The following SNED1 variants were observed in gnomAD, a reference collection of about 807,000 sequenced individuals.
SNED1 encodes sushi, nidogen and EGF-like domain-containing protein 1.
In SNED1, 81 loss-of-function variants were observed where a neutral mutation model predicts 166.7. The ratio of observed to expected loss-of-function variants is 0.49; its 90% CI spans 0.41 to 0.58. The LOEUF (loss-of-function observed/expected upper bound fraction) is 0.58. SNED1 is among the 20% of genes least tolerant of loss of function. SNED1 has a pLI of 0.00. For synonymous variants in SNED1, 762 were observed against 822.0 expected (o/e 0.93, Z 1.25); for missense variants, 1,604 against 2,000.2 (o/e 0.80, Z 3.78).
intron 8 of SNED1, among the ~76,000 whole-genome samples, chr2:241,047,812 A>G (rs1013888448): frequency 6.6e-6 from 1 of 150,468 alleles, no homozygotes; most frequent in African/African-American, 2.5e-5. Context: ...TGTTCTGTCC[A>G]TTCCCAGGTG....
intron 4 of SNED1, among the ~76,000 whole-genome samples, chr2:241,035,923 TGGAG>T (rs2061342614): frequency 3.0e-5 from 1 of 32,968 alleles, no homozygotes; most frequent in Non-Finnish European, 5.4e-5. Context: ...TGCCACGGGG[TGGAG>T]GGGTGGGGGG....
At chr2:241,067,969 A>T in intron 22 of SNED1, 22 bp downstream of exon 22, 4 of 1,319,212 alleles carry the variant, frequency 3.0e-6, no homozygotes, top group East Asian at 2.9e-5. Flanking sequence ...CACCCAGAGC[A>T]TGGGGCTGGG....
At chr2:241,082,548 A>G (rs1047233614) in intron 29 of SNED1, among the ~76,000 whole-genome samples, 184 bp downstream of exon 29, 6 of 152,204 alleles carry the variant, frequency 3.9e-5, no homozygotes, top group African/African-American at 1.2e-4. Flanking sequence ...GAAAAACCGA[A>G]TAACTGCCCC....
chr2:241,013,113 C>G lies in SNED1; in HGVS notation c.213+14063C>G, dbSNP rs927176837. Among the ~76,000 whole-genome samples the G allele has an allele frequency of 1.3e-5, 2 of 151,958 alleles. No individual in the cohort carries two copies. Among genetic ancestry groups the G allele is most frequent in the Non-Finnish European group, 2.9e-5 (2 of 68,008 alleles). On this transcript the variant is annotated intron_variant, in intron 1 of 31. Transcript: ENST00000310397. The surrounding 1 kb of genome is among the most constrained non-coding windows in gnomAD (Gnocchi z 4.6). ...CCTCCCAAAGTGATGGGATTACAGG[C>G]GTGAGCCACCGCGCCCGGCCACGAG...
At chr2:241,022,095 G>A (rs1355572574) in intron 1 of SNED1, among the ~76,000 whole-genome samples, 2 of 152,120 alleles carry the variant, frequency 1.3e-5, no homozygotes, top group African/African-American at 2.4e-5. Context: ...TTATTATTGA[G>A]TTGTAATAGT....
rs997910472 is a variant in SNED1, at chr2:241,069,271, GTTCCT to G, written c.3307+249_3307+253del. Among the ~76,000 whole-genome samples, 2 of 152,204 alleles carry G rather than the reference GTTCCT, an allele frequency of 1.3e-5. No individual in the cohort carries two copies. The highest frequency in any genetic ancestry group is 4.8e-5 in the African/African-American group (2 of 41,454). ...GCTCCTGGTAGCTCCTCAGCATGGA[GTTCCT>G]ACTGGACACCGACCAGAGGGCCAGA... On this transcript the variant is annotated intron_variant, in intron 23 of 31. Coordinates refer to ENST00000310397, the MANE Select transcript of SNED1 (RefSeq NM_001080437.3). The surrounding 1 kb of genome is among the most constrained non-coding windows in gnomAD (Gnocchi z 4.9).
rs1375290853 is a variant in SNED1 at position 241,090,147 on chromosome 2, C to T, written c.*2-1491C>T. The T allele has an allele frequency of 3.7e-5, 54 of 1,473,708 alleles. No homozygotes were observed. The East Asian group carries it at 1.2e-3, about 34-fold the overall frequency. The allele number at this position is 1,473,708 out of a possible 1,614,324, so 91.3% of individuals were successfully genotyped here. ...TTAATAACAGCTTAAAATACAAACA[C>T]ACTGTACGGATGTTCAAAATTGTTT... On this transcript the variant is annotated intron_variant, in intron 31 of 31. Transcript: ENST00000310397.
intron 1 of SNED1, among the ~76,000 whole-genome samples, chr2:241,029,991 GA>G (rs1464557784): frequency 1.3e-5 from 2 of 152,256 alleles, no homozygotes; most frequent in Non-Finnish European, 2.9e-5. Flanking sequence ...CCCAAAGGGG[GA>G]CTTTCCTACC....
rs1574816901 is a variant in SNED1, at chr2:240,998,876, G to A, written c.39G>A (p.Ala13=). The A allele has an allele frequency of 8.3e-7, 1 of 1,209,984 alleles. No homozygotes were observed. Among genetic ancestry groups the A allele is most frequent in the African/African-American group, 1.6e-5 (1 of 62,732 alleles). 75.0% of individuals were successfully genotyped at this position (1,209,984 alleles called of 1,614,324 possible). A position where few individuals can be genotyped will look rare whatever the true frequency, so the allele number is the denominator to read the frequency against. Residue 13 remains alanine (A), a synonymous_variant, in exon 1 of 32, where the codon GCG becomes GCA. Transcript: ENST00000310397. ...HGVAWALLVA[A]ALGLGARGVR... ...TCGCCTGGGCGCTGCTGGTGGCCGC[G>A]GCCCTGGGGCTTGGGGCGCGCGGGG... is the stretch of plus-strand genomic sequence containing the variant.
rs992045307 is a variant in SNED1, at chr2:241,091,539, G to T, written c.*2-99G>T. ...ACGTGGGGTCCTCTGGGTGACAGAG[G>T]CCCTGAGGGCCACTAAGAGAAGCAG... On this transcript the variant is annotated intron_variant, in intron 31 of 31. Coordinates refer to ENST00000310397, the MANE Select transcript of SNED1 (RefSeq NM_001080437.3). This position sits in a 1 kb window ranked among gnomAD's most constrained non-coding sequence, Gnocchi z 4.1. 6.6e-6 allele frequency: 1 copy of T among 151,826 alleles called. No homozygotes were observed. Among genetic ancestry groups the T allele is most frequent in the Non-Finnish European group, 1.5e-5 (1 of 67,984 alleles). The allele number at this position is 151,826 out of a possible 1,614,324, so 9.4% of individuals were successfully genotyped here.
intron 27 of SNED1, 96 bp from the exon 28 acceptor site, chr2:241,081,581 C>G: frequency 1.2e-6 from 1 of 831,680 alleles, no homozygotes; most frequent in South Asian, 1.5e-5. Flanking sequence ...CACGGCCACC[C>G]TGCATCAGGT....
chr2:241,064,208 G>T lies in SNED1; in HGVS notation c.2599+83G>T. ...CCCGCCTGCTGCCCGCCCTCTGCCC[G>T]CCTGCTCCCCGCCCTCTGCCCGCCT... On this transcript the variant is annotated intron_variant, in intron 19 of 31. Coordinates refer to ENST00000310397, the MANE Select transcript of SNED1 (RefSeq NM_001080437.3). This position sits in a 1 kb window ranked among gnomAD's most constrained non-coding sequence, Gnocchi z 7.0. 1.1e-6 allele frequency: 1 copy of T among 920,906 alleles called. No homozygotes were observed. The highest frequency in any genetic ancestry group is 2.9e-5 in the Admixed American group (1 of 34,860). 57.0% of individuals were successfully genotyped at this position (920,906 alleles called of 1,614,324 possible).
chr2:241,064,464 C>T lies in SNED1; in HGVS notation c.2599+339C>T, dbSNP rs2062358290. Among the ~76,000 whole-genome samples the T allele has an allele frequency of 6.6e-6, 1 of 152,202 alleles. No homozygotes were observed. The highest frequency in any genetic ancestry group is 2.1e-4 in the South Asian group (1 of 4,826). On this transcript the variant is annotated intron_variant, in intron 19 of 31. Transcript: ENST00000310397. The surrounding 1 kb of genome is among the most constrained non-coding windows in gnomAD (Gnocchi z 7.0). ...TTTCTTGCACACCCAGGTCTGGCCC[C>T]TGGCTGTCCTTCCATCTGGAACATT... is the stretch of plus-strand genomic sequence containing the variant.
chr2:241,087,588 A>G (rs2063648450), intron 30 of SNED1, 113 bp downstream of exon 30: 2 of 1,452,646 alleles, frequency 1.4e-6, no homozygotes, highest in African/African-American at 1.4e-5. Flanking sequence ...CAGGCGGTCT[A>G]CTCGCCCAGA....
intron 8 of SNED1, chr2:241,040,820 C>T (rs1331178314): frequency 6.3e-6 from 3 of 473,734 alleles, no homozygotes; most frequent in East Asian, 6.9e-5. Flanking sequence ...GGGAAAGTAA[C>T]GGGAATCAGA....
intron 16 of SNED1, among the ~76,000 whole-genome samples, chr2:241,062,244 A>G (rs2062257504): frequency 6.6e-6 from 1 of 152,236 alleles, no homozygotes. Flanking sequence ...GGATGAGCCC[A>G]TTCAGCATTC....
intron 1 of SNED1, among the ~76,000 whole-genome samples, chr2:241,007,028 G>A (rs1381561933): frequency 1.3e-5 from 2 of 152,226 alleles, no homozygotes; most frequent in African/African-American, 4.8e-5. Context: ...TCTATTAAAG[G>A]AGAAATCCGT....
intron 21 of SNED1, among the ~76,000 whole-genome samples, 152 bp downstream of exon 21, chr2:241,065,747 G>A (rs1303798589): frequency 6.6e-6 from 1 of 152,222 alleles, no homozygotes; most frequent in Non-Finnish European, 1.5e-5. Context: ...TGGAGGCACC[G>A]CCCTGCTGGA....
At chr2:241,002,131 A>G (rs2106526928) in intron 1 of SNED1, among the ~76,000 whole-genome samples, 1 of 152,082 alleles carries the variant, frequency 6.6e-6, no homozygotes, top group East Asian at 1.9e-4. Flanking sequence ...TTCCTCCCTG[A>G]GCCTCTGTCT....
Sources: gnomAD v4.1 joint callset for allele counts (sites outside exome capture counted in the v4.1 genomes callset) on GRCh38, gnomAD v4.1.1 for gene constraint, Gnocchi (gnomAD v3.1) non-coding constraint, MANE v1.5 for transcripts, NCBI Gene and HGNC (gene_info 2026-07-23, HGNC 2026-07-21) for gene names.